Variants in SCN1A observed in about 807,000 individuals in gnomAD.
SCN1A encodes sodium voltage-gated channel alpha subunit 1.
SCN1A carries 13 observed loss-of-function variants against 193.7 expected under a neutral mutation model. The ratio of observed to expected loss-of-function variants is 0.07; its 90% CI spans 0.04 to 0.11. The LOEUF (loss-of-function observed/expected upper bound fraction) is 0.11, where lower values mean the gene tolerates loss of function less well. Ranked by LOEUF, SCN1A falls within the 10% of genes least tolerant of loss-of-function variation. The pLI is 1.00. For missense variants in SCN1A, 1,432 were observed against 2,451.1 expected (o/e 0.58, Z 8.78); for synonymous variants, 781 against 843.6 (o/e 0.93, Z 1.29).
At position 166,026,904 on chromosome 2, in the gene SCN1A, C is replaced by T. The variant is rs1373783682; in HGVS notation, c.3429+9144G>A. 4.0e-5 allele frequency among the ~76,000 whole-genome samples: 6 copies of T among 151,844 alleles called. No individual in the cohort carries two copies. The East Asian group carries it at 1.2e-3, about 29-fold the overall frequency. ...TTCACCGTGTTAGCCAGGGTGGTCT[C>T]GATCTCCTGACCTCGTGATTCGCCC... On this transcript the variant is annotated intron_variant, in intron 19 of 28. Coordinates refer to ENST00000674923, the MANE Select transcript of SCN1A (RefSeq NM_001165963.4).
At chr2:166,096,321 C>T (rs1168281613) in intron 2 of SCN1A, among the ~76,000 whole-genome samples, 2 of 151,994 alleles carry the variant, frequency 1.3e-5, no homozygotes, top group African/African-American at 2.4e-5. Context: ...CTCGCTCTGT[C>T]GCCCAGGCTG....
At chr2:166,125,888 A>G (rs1691194666) in intron 2 of SCN1A, among the ~76,000 whole-genome samples, 2 of 152,222 alleles carry the variant, frequency 1.3e-5, no homozygotes, top group African/African-American at 4.8e-5. Flanking sequence ...AAGAGGGGGC[A>G]TGTAAACCAA....
intron 12 of SCN1A, 25 bp downstream of exon 12, chr2:166,046,745 G>T: frequency 6.2e-7 from 1 of 1,606,166 alleles, no homozygotes; most frequent in Admixed American, 1.7e-5. Flanking sequence ...TAAAAGGTCA[G>T]TGCCATGAGA....
At chr2:166,087,826 G>C (rs762138639) in intron 2 of SCN1A, among the ~76,000 whole-genome samples, 4 of 152,180 alleles carry the variant, frequency 2.6e-5, no homozygotes, top group Non-Finnish European at 5.9e-5. Flanking sequence ...TTGGCAAATA[G>C]AGAATAATAA....
rs138488822 is a variant in SCN1A at position 166,007,631 on chromosome 2, G to A, written c.4002+2088C>T. The stretch of plus-strand genomic sequence containing the variant: ...AAACATGCAAAACACAAAGTGCAAC[G>A]TGATGATAATTTATTTGTTACTTTC... On this transcript the variant is annotated intron_variant, in intron 23 of 28. Coordinates refer to ENST00000674923, the MANE Select transcript of SCN1A (RefSeq NM_001165963.4). 1.5e-3 allele frequency among the ~76,000 whole-genome samples: 225 copies of A among 151,438 alleles called. No homozygotes were observed. Among genetic ancestry groups the A allele is most frequent in the Non-Finnish European group, 2.3e-3 (158 of 67,526 alleles).
intron 9 of SCN1A, 81 bp downstream of exon 9, chr2:166,051,638 A>G: frequency 9.0e-7 from 1 of 1,115,656 alleles, no homozygotes; most frequent in African/African-American, 1.6e-5. Flanking sequence ...TGGGATATCC[A>G]GCCCCTCAAG....
At chr2:166,125,854 T>C (rs1691188212) in intron 2 of SCN1A, among the ~76,000 whole-genome samples, 1 of 152,006 alleles carries the variant, frequency 6.6e-6, no homozygotes. Flanking sequence ...AATAAATGAC[T>C]CTCCAGACAG....
chr2:166,053,911 G>C (rs1698860282), intron 7 of SCN1A, among the ~76,000 whole-genome samples: 1 of 151,822 alleles, frequency 6.6e-6, no homozygotes, highest in African/African-American at 2.4e-5. Flanking sequence ...AAAAAGCATT[G>C]GGGTGCATAA....
Position 166,056,454 on chromosome 2 carries a change from A to T in SCN1A, c.430T>A (p.Phe144Ile). 1 of 1,608,826 alleles carries T rather than the reference A, an allele frequency of 6.2e-7. No individual in the cohort carries two copies. Reference protein sequence around the residue: ...IMCTILTNCVFMTMSNPPDWT... With the variant: ...IMCTILTNCVIMTMSNPPDWT... Reference sequence around the variant, plus strand: ...TCAGGAGGGTTACTCATTGTCATAAACACACAGTTTGTCAAAATAGTGCAC... The same window carrying T: ...TCAGGAGGGTTACTCATTGTCATAATCACACAGTTTGTCAAAATAGTGCAC... Residue 144 changes from phenylalanine to isoleucine, a missense_variant, in exon 6 of 29, where the codon TTT becomes ATT. By Grantham distance (21) the Phe-to-Ile change is conservative. Around this residue, in one of 18 missense-constraint regions of SCN1A, gnomAD observed 123 missense variants for 282.8 expected, o/e 0.43. Transcript: ENST00000674923.
intron 2 of SCN1A, among the ~76,000 whole-genome samples, chr2:166,125,280 C>T (rs1381984984): frequency 5.9e-5 from 9 of 152,188 alleles, no homozygotes; most frequent in Non-Finnish European, 1.3e-4. Context: ...TTTCTCCCAC[C>T]CTCCCCATTC....
chr2:166,078,795 G>A (rs527752844), intron 2 of SCN1A, among the ~76,000 whole-genome samples: 1 of 151,682 alleles, frequency 6.6e-6, no homozygotes. Context: ...GAGACTTCAT[G>A]TGGAAAAATA....
Position 166,007,513 on chromosome 2 carries a change from A to G in SCN1A, c.4002+2206T>C, listed in dbSNP as rs927311502. Among the ~76,000 whole-genome samples, 2 of 151,378 alleles carry G rather than the reference A, an allele frequency of 1.3e-5. No homozygotes were observed. The highest frequency in any genetic ancestry group is 6.6e-5 in the Admixed American group (1 of 15,138). ...TTTACCCTAGATATTCACGACATCA[A>G]TTCACTCAGTTTAATTTTACAAGTT... On this transcript the variant is annotated intron_variant, in intron 23 of 28. Transcript: ENST00000674923.
chr2:165,999,856 T>C, intron 24 of SCN1A, 80 bp from the exon 25 acceptor site: 11 of 1,066,250 alleles, frequency 1.0e-5, no homozygotes, highest in Non-Finnish European at 1.6e-5. Flanking sequence ...CTTACTGATA[T>C]AATTTTCAAA....
At chr2:166,056,129 C>T (rs1699104207) in intron 6 of SCN1A, among the ~76,000 whole-genome samples, 1 of 151,962 alleles carries the variant, frequency 6.6e-6, no homozygotes, top group Non-Finnish European at 1.5e-5. Flanking sequence ...TCTGCAATTG[C>T]TTTGACCACA....
Position 166,052,939 on chromosome 2 carries a change from C to T in SCN1A, c.607G>A (p.Val203Ile), listed in dbSNP as rs569880910. 15 of 1,611,572 alleles carry T rather than the reference C, an allele frequency of 9.3e-6. No homozygotes were observed. Among genetic ancestry groups the T allele is most frequent in the Admixed American group, 3.3e-5 (2 of 59,730 alleles). Residue 203 changes from valine (V) to isoleucine (I), a missense_variant, in exon 8 of 29, where the codon GTC becomes ATC. Coordinates refer to ENST00000674923, the MANE Select transcript of SCN1A (RefSeq NM_001165963.4). ...TTGCCCAGGTCCACAAACTCTGTGACGTACCTGTAATAGGGAGTTCACACA... is the reference window on the plus strand; with the variant it reads ...TTGCCCAGGTCCACAAACTCTGTGATGTACCTGTAATAGGGAGTTCACACA... ...LDFTVITFAY[V>I]TEFVDLGNVS... is the part of the protein sequence containing the mutation.
At chr2:166,041,168 T>C in intron 16 of SCN1A, 63 bp downstream of exon 16, 2 of 1,191,680 alleles carry the variant, frequency 1.7e-6, no homozygotes, top group Non-Finnish European at 2.5e-6. Flanking sequence ...CACAATTAAA[T>C]GTAAACAGTT....
intron 1 of SCN1A, among the ~76,000 whole-genome samples, chr2:166,139,400 G>T (rs1691993357): frequency 6.6e-6 from 1 of 152,102 alleles, no homozygotes; most frequent in African/African-American, 2.4e-5. Context: ...TTTTTCCTGT[G>T]CTGTTCTCAT....
At chr2:166,135,344 C>A (rs1251226504) in intron 1 of SCN1A, among the ~76,000 whole-genome samples, 1 of 152,034 alleles carries the variant, frequency 6.6e-6, no homozygotes, top group Non-Finnish European at 1.5e-5. Context: ...CAGAATAAAA[C>A]TGAACTTTGC....
At chr2:166,044,983 C>G (rs1697617105) in intron 13 of SCN1A, 60 bp downstream of exon 13, 543 of 1,376,454 alleles carry the variant, frequency 3.9e-4, no homozygotes, top group Non-Finnish European at 4.9e-4. Flanking sequence ...TTCTAATTCT[C>G]CCCCTCTCTC....
Sources: allele counts gnomAD v4.1 joint callset (sites outside exome capture counted in the v4.1 genomes callset), GRCh38; gene constraint gnomAD v4.1.1; regional missense constraint gnomAD v4.1.1; transcripts MANE v1.5; gene names NCBI Gene and HGNC (gene_info 2026-07-23, HGNC 2026-07-21).